Variants in VBP1 observed in about 807,000 individuals in gnomAD.
VBP1 encodes the protein prefoldin subunit 3.
VBP1 carries 4 observed loss-of-function variants against 15.5 expected under a neutral mutation model. The ratio of observed to expected loss-of-function variants is 0.26; its 90% confidence interval spans 0.13 to 0.59. The LOEUF is 0.59. Among genes scored for constraint, VBP1 ranks in the 20% least tolerant of loss-of-function variants. The probability of loss-of-function intolerance (pLI) is 0.90; values close to 1 mark genes in which losing one functional copy is unlikely to be tolerated. For missense variants in VBP1, 108 were observed against 139.6 expected (o/e 0.77, Z 1.14); for synonymous variants, 61 against 52.1 (o/e 1.17, Z -0.74).
chrX:155,210,083 T>C lies in VBP1; in HGVS notation c.78+1102T>C, dbSNP rs181083531. ...GTTATGTACTCTATTTTTCTTATTTTAATGGTTAATAATTCACCTAACCCA... is the reference window on the plus strand; with the variant it reads ...GTTATGTACTCTATTTTTCTTATTTCAATGGTTAATAATTCACCTAACCCA... On this transcript the variant is annotated intron_variant, in intron 2 of 6. Transcript: ENST00000535916. Among the ~76,000 whole-genome samples, 77 of 111,396 alleles carry C rather than the reference T, an allele frequency of 6.9e-4. 1 individual carries two copies. Among genetic ancestry groups the C allele is most frequent in the African/African-American group, 2.5e-3 (76 of 30,626 alleles).
chrX:155,233,941 G>A (rs1472594950), intron 4 of VBP1, among the ~76,000 whole-genome samples: 4 of 110,301 alleles, frequency 3.6e-5, no homozygotes, highest in Non-Finnish European at 5.7e-5. Flanking sequence ...GTAAGTGAAC[G>A]AATCTGTTGT....
chrX:155,207,419 A>G lies in VBP1; in HGVS notation c.-30-1455A>G, dbSNP rs1214110733. ...GGGCTATTCCAGGGTGTACTATCTG[A>G]TAGCATCACAGAAGTAGACCAAGAT... is the stretch of plus-strand genomic sequence containing the variant. On this transcript the variant is annotated intron_variant, in intron 1 of 6. Transcript: ENST00000535916. 7.2e-5 allele frequency among the ~76,000 whole-genome samples: 8 copies of G among 111,870 alleles called. No homozygotes were observed. The Admixed American group carries it at 7.6e-4, about 11-fold the overall frequency.
intron 2 of VBP1, among the ~76,000 whole-genome samples, chrX:155,221,394 T>C (rs933872552): frequency 2.8e-5 from 3 of 107,254 alleles, no homozygotes; most frequent in African/African-American, 1.0e-4. Context: ...ACAGCTCCTC[T>C]AGAGGCTGAG....
At chrX:155,207,023 C>G (rs1200178427) in intron 1 of VBP1, among the ~76,000 whole-genome samples, 2 of 111,413 alleles carry the variant, frequency 1.8e-5, no homozygotes, top group African/African-American at 6.5e-5. Flanking sequence ...AACTGAGATA[C>G]TCCACAGGTC....
chrX:155,220,574 A>C (rs1315110956), intron 2 of VBP1, among the ~76,000 whole-genome samples: 1 of 111,656 alleles, frequency 9.0e-6, no homozygotes, highest in African/African-American at 3.3e-5. Flanking sequence ...TTTCAAAATC[A>C]TAACGTCTTA....
Position 155,236,224 on chromosome X carries a change from T to G in VBP1, c.385-5T>G, listed in dbSNP as rs374791238. 7.5e-6 allele frequency: 9 copies of G among 1,205,851 alleles called. No individual in the cohort carries two copies. Among genetic ancestry groups the G allele is most frequent in the Non-Finnish European group, 1.0e-5 (9 of 893,145 alleles). ...TGAGTAATTGTCATGACTTTCTCTC[T>G]TCAGGCTAATGTAATGCTTGAATAT... On this transcript the variant is annotated splice_polypyrimidine_tract_variant and splice_region_variant and intron_variant, in intron 4 of 5. Transcript: ENST00000286428.
intron 1 of VBP1, among the ~76,000 whole-genome samples, chrX:155,207,703 A>G (rs2074630784): frequency 9.0e-6 from 1 of 111,573 alleles, no homozygotes; most frequent in African/African-American, 3.2e-5. Context: ...TTCTATATAT[A>G]TGTGGGTATT....
chrX:155,208,018 G>A (rs2074631811), intron 1 of VBP1, among the ~76,000 whole-genome samples: 1 of 111,916 alleles, frequency 8.9e-6, no homozygotes, highest in Non-Finnish European at 1.9e-5. Context: ...AATTTACCCA[G>A]TTGTTCTTAA....
At chrX:155,220,429 G>T in intron 2 of VBP1, 122 bp downstream of exon 2, 4 of 595,580 alleles carry the variant, frequency 6.7e-6, no homozygotes, top group Non-Finnish European at 9.4e-6. Context: ...CAAGGTGGCT[G>T]TACCATATGA....
chrX:155,205,954 A>T (rs1407498705), intron 1 of VBP1, among the ~76,000 whole-genome samples: 1 of 112,241 alleles, frequency 8.9e-6, no homozygotes, highest in Non-Finnish European at 1.9e-5. Context: ...CATGTGACTG[A>T]ATCTAATAGC....
chrX:155,210,168 C>T (rs782500063), intron 2 of VBP1, among the ~76,000 whole-genome samples: 5 of 111,593 alleles, frequency 4.5e-5, no homozygotes, highest in East Asian at 5.6e-4. Flanking sequence ...TGTGTCAGCC[C>T]GGTGCAGTGG....
chrX:155,216,445 G>A, upstream of VBP1: 3 of 1,160,482 alleles, frequency 2.6e-6, no homozygotes, highest in South Asian at 1.9e-5. Context: ...CCCGGCGGCC[G>A]GCGGCCCGGG....
intron 1 of VBP1, among the ~76,000 whole-genome samples, chrX:155,202,757 T>C (rs1557307638): frequency 9.4e-6 from 1 of 106,864 alleles, no homozygotes; most frequent in Non-Finnish European, 1.9e-5. Context: ...AATTGACAAA[T>C]GGGATCTAAT....
chrX:155,209,001 G>T, intron 2 of VBP1: 1 of 1,145,073 alleles, frequency 8.7e-7, no homozygotes. Flanking sequence ...GGCTGTTGTT[G>T]CTAAGGGCCT....
intron 4 of VBP1, 70 bp from the exon 5 acceptor site, chrX:155,236,159 C>T (rs1602897777): frequency 1.8e-6 from 2 of 1,107,907 alleles, no homozygotes; most frequent in East Asian, 3.2e-5. Context: ...CTGTAGTTTG[C>T]CCACACTTTA....
chrX:155,228,557 C>T, intron 4 of VBP1, 75 bp downstream of exon 4: 1 of 777,895 alleles, frequency 1.3e-6, no homozygotes, highest in Non-Finnish European at 1.9e-6. Context: ...ACTGGTTTTG[C>T]TAGTATTTGC....
chrX:155,232,738 C>T (rs2074753224), intron 4 of VBP1, among the ~76,000 whole-genome samples: 1 of 112,881 alleles, frequency 8.9e-6, no homozygotes, highest in African/African-American at 3.2e-5. Flanking sequence ...ATGGACACAG[C>T]CACTGGGGAA....
At chrX:155,227,756 C>T (rs1489802961) in intron 3 of VBP1, among the ~76,000 whole-genome samples, 6 of 111,906 alleles carry the variant, frequency 5.4e-5, no homozygotes, top group Non-Finnish European at 1.1e-4. Flanking sequence ...AGGTTATACT[C>T]GACCATTGTC....
At chrX:155,212,925 T>TC (rs1423627916), upstream of VBP1, 3 of 112,105 alleles carry the variant, frequency 2.7e-5, no homozygotes, top group East Asian at 2.8e-4. Flanking sequence ...TACCTTGTCC[T>TC]CTCTTGTATA....
Sources: gnomAD v4.1 joint callset for allele counts (sites outside exome capture counted in the v4.1 genomes callset) on GRCh38, gnomAD v4.1.1 for gene constraint, MANE v1.5 for transcripts, NCBI Gene and HGNC (gene_info 2026-07-23, HGNC 2026-07-21) for gene names.